The following ARMC2 variants were observed in gnomAD, a reference collection of about 807,000 sequenced individuals.
ARMC2 encodes the protein armadillo repeat containing 2.
ARMC2 carries 67 observed loss-of-function variants against 90.3 expected under a neutral mutation model. The ratio of observed to expected loss-of-function variants is 0.74; its 90% confidence interval spans 0.61 to 0.91. The LOEUF is 0.91. Among genes scored for constraint, ARMC2 ranks in the 40% least tolerant of loss-of-function variants. ARMC2 has a pLI of 0.00. For synonymous variants in ARMC2, 393 were observed against 393.0 expected, an observed-to-expected ratio of 1.00 and a Z score of 0.00; for missense variants, 920 against 1,030.9, an observed-to-expected ratio of 0.89 and a Z score of 1.47.
chr6:108,909,628 C>T (rs368471974), intron 8 of ARMC2, among the ~76,000 whole-genome samples: 25 of 152,182 alleles, frequency 1.6e-4, no homozygotes, highest in Admixed American at 7.2e-4. Context: ...CTCCGCCTCC[C>T]GGGTTCAAGT....
chr6:108,894,420 A>C, intron 5 of ARMC2, 47 bp from the exon 6 acceptor site: 1 of 1,504,360 alleles, frequency 6.6e-7, no homozygotes. Flanking sequence ...TTACAAAATT[A>C]GAAGTGTTTT....
the ARMC2 span, among the ~76,000 whole-genome samples, chr6:109,023,486 G>C: frequency 6.6e-6 from 1 of 152,078 alleles, no homozygotes; most frequent in South Asian, 2.1e-4. Flanking sequence ...AATGTTAGTG[G>C]ATGTGCCTAT....
chr6:108,884,288 C>T (rs1777869720), intron 5 of ARMC2, among the ~76,000 whole-genome samples: 1 of 152,132 alleles, frequency 6.6e-6, no homozygotes, highest in African/African-American at 2.4e-5. Context: ...ATCAGCATCC[C>T]CTGGGAGCCT....
the ARMC2 span, among the ~76,000 whole-genome samples, chr6:108,982,881 C>T: frequency 0.1 from 14,936 of 147,104 alleles, 890 homozygotes; most frequent in Middle Eastern, 0.2. Flanking sequence ...AGTACGGTGG[C>T]GCGATCTCAG....
chr6:109,016,194 T>C, the ARMC2 span, among the ~76,000 whole-genome samples: 1 of 152,214 alleles, frequency 6.6e-6, no homozygotes, highest in African/African-American at 2.4e-5. Flanking sequence ...TTGTTTATAC[T>C]AACGGTAATT....
chr6:109,020,824 T>C, the ARMC2 span, among the ~76,000 whole-genome samples: 1 of 152,216 alleles, frequency 6.6e-6, no homozygotes, highest in Non-Finnish European at 1.5e-5. Context: ...CAAATTTATA[T>C]TCTAAAGCAG....
chr6:108,903,527 G>A (rs1476808036), intron 7 of ARMC2, among the ~76,000 whole-genome samples: 3 of 151,986 alleles, frequency 2.0e-5, no homozygotes, highest in Non-Finnish European at 4.4e-5. Context: ...CATTGTTTTT[G>A]TCAACAGATA....
chr6:109,044,311 C>CAAAAAA, the ARMC2 span, among the ~76,000 whole-genome samples: 10 of 28,458 alleles, frequency 3.5e-4, no homozygotes, highest in South Asian at 1.1e-3. Context: ...GAACTTGCCT[C>CAAAAAA]AAAAAAAAAA....
At chr6:108,931,605 T>C (rs1250024249) in intron 11 of ARMC2, among the ~76,000 whole-genome samples, 1 of 152,000 alleles carries the variant, frequency 6.6e-6, no homozygotes, top group Non-Finnish European at 1.5e-5. Context: ...GACTTTTTAA[T>C]AATAGCCATT....
At chr6:108,908,768 G>C (rs572068827) in intron 8 of ARMC2, among the ~76,000 whole-genome samples, 33 of 151,942 alleles carry the variant, frequency 2.2e-4, no homozygotes, top group Non-Finnish European at 4.4e-4. Context: ...AAAGAAAAGA[G>C]AGAGAGAGAG....
chr6:108,855,176 C>T (rs1051670645), intron 2 of ARMC2, among the ~76,000 whole-genome samples: 2 of 152,062 alleles, frequency 1.3e-5, no homozygotes, highest in Non-Finnish European at 2.9e-5. Context: ...GTTTTGGCAA[C>T]TACAAATAAA....
At chr6:109,012,853 G>A in the ARMC2 span, among the ~76,000 whole-genome samples, 4 of 152,102 alleles carry the variant, frequency 2.6e-5, no homozygotes, top group Non-Finnish European at 5.9e-5. Context: ...GGTGGCTTAC[G>A]CCTGTAATTC....
the ARMC2 span, among the ~76,000 whole-genome samples, chr6:109,035,746 G>A: frequency 6.6e-6 from 1 of 152,044 alleles, no homozygotes; most frequent in Non-Finnish European, 1.5e-5. Flanking sequence ...GACTACAGGT[G>A]CATGCCACCA....
chr6:108,957,953 G>A (rs1777713959), intron 13 of ARMC2, among the ~76,000 whole-genome samples: 2 of 152,208 alleles, frequency 1.3e-5, no homozygotes, highest in Admixed American at 1.3e-4. Flanking sequence ...TCTGTGGAAA[G>A]AGTAGGATAG....
the ARMC2 span, among the ~76,000 whole-genome samples, chr6:108,986,134 TC>T: frequency 6.6e-6 from 1 of 152,226 alleles, no homozygotes. Context: ...CTGATGAGTG[TC>T]ATTTTTTGTT....
chr6:109,045,893 T>C, the ARMC2 span, among the ~76,000 whole-genome samples: 3 of 152,194 alleles, frequency 2.0e-5, no homozygotes, highest in African/African-American at 7.2e-5. Flanking sequence ...AATAAATAAA[T>C]GTGAGGCACG....
chr6:109,018,949 T>G, the ARMC2 span, among the ~76,000 whole-genome samples: 1 of 152,128 alleles, frequency 6.6e-6, no homozygotes, highest in East Asian at 1.9e-4. Context: ...ATTATGCATA[T>G]AAGAAAATAT....
chr6:108,998,207 C>A, the ARMC2 span, among the ~76,000 whole-genome samples: 1 of 152,196 alleles, frequency 6.6e-6, no homozygotes, highest in East Asian at 1.9e-4. Context: ...CTGCAGTAGC[C>A]AATCAATATT....
the ARMC2 span, chr6:109,009,266 A>C: frequency 6.1e-6 from 7 of 1,149,880 alleles, no homozygotes; most frequent in South Asian, 1.5e-4. Context: ...GACTGTGAGG[A>C]GGCAACGTGA....
Sources: allele counts gnomAD v4.1 joint callset (sites outside exome capture counted in the v4.1 genomes callset), GRCh38; gene constraint gnomAD v4.1.1; transcripts MANE v1.5; gene names NCBI Gene and HGNC (gene_info 2026-07-23, HGNC 2026-07-21).